NR1H3: variants seen among roughly 807,000 people sequenced by gnomAD.
The protein encoded by NR1H3 is nuclear receptor subfamily 1 group H member 3, also known as oxysterols receptor LXR-alpha.
A neutral mutation model predicts 48.1 loss-of-function variants in NR1H3; 19 were observed. The observed-to-expected ratio is 0.40, with a 90% CI of 0.28 to 0.58. The LOEUF is 0.58. Ranked by LOEUF, NR1H3 falls within the 20% of genes least tolerant of loss-of-function variation. NR1H3 has a pLI of 0.50. For missense variants in NR1H3, 486 were observed against 595.9 expected, an observed-to-expected ratio of 0.82 and a Z score of 1.92; for synonymous variants, 232 against 227.3, an observed-to-expected ratio of 1.02 and a Z score of -0.19.
chr11:47,259,674 T>A, intron 2 of NR1H3, 117 bp from the exon 3 acceptor site: 1 of 1,545,522 alleles, frequency 6.5e-7, no homozygotes, highest in Non-Finnish European at 8.7e-7. Context: ...AAGCCTGAGC[T>A]GGGACTTTGC....
intron 5 of NR1H3, 34 bp downstream of exon 5, chr11:47,261,483 C>T: frequency 6.2e-7 from 1 of 1,611,018 alleles, no homozygotes; most frequent in Non-Finnish European, 8.5e-7. Flanking sequence ...GCGGCTGCGC[C>T]CAGATCACCA....
At chr11:47,263,216 A>C (rs1956091850) in intron 7 of NR1H3, among the ~76,000 whole-genome samples, 1 of 152,008 alleles carries the variant, frequency 6.6e-6, no homozygotes, top group African/African-American at 2.4e-5. Flanking sequence ...AAAAGTGAAC[A>C]AATCTTCCTC....
chr11:47,251,029 G>C (rs1365231126), intron 1 of NR1H3, among the ~76,000 whole-genome samples: 3 of 152,034 alleles, frequency 2.0e-5, no homozygotes, highest in Non-Finnish European at 4.4e-5. Context: ...TGTGGTGGCA[G>C]GTGCCGGTAG....
At chr11:47,257,548 A>G (rs1955302427), upstream of NR1H3, 3 of 628,378 alleles carry the variant, frequency 4.8e-6, no homozygotes, top group South Asian at 7.0e-5. Flanking sequence ...GCCTCTTCCC[A>G]GAGGCAAGGG....
intron 9 of NR1H3, 69 bp downstream of exon 9, chr11:47,268,424 T>G: frequency 6.3e-7 from 1 of 1,590,074 alleles, no homozygotes; most frequent in Non-Finnish European, 8.6e-7. Flanking sequence ...ATACCTACTT[T>G]CCCTTCAAGA....
intron 1 of NR1H3, 144 bp downstream of exon 1, chr11:47,258,273 CTG>C: frequency 1.1e-6 from 1 of 881,922 alleles, no homozygotes; most frequent in Non-Finnish European, 1.4e-6. Context: ...GAGCAGGACT[CTG>C]GGTCCCAGAA....
chr11:47,265,069 G>A (rs910960387), intron 7 of NR1H3, among the ~76,000 whole-genome samples: 12 of 151,998 alleles, frequency 7.9e-5, no homozygotes, highest in East Asian at 1.9e-4. Flanking sequence ...CGAGGCAGGC[G>A]GATCACCTGA....
rs201480452 is a variant in NR1H3, at chr11:47,261,956, G to C, written c.926G>C (p.Gly309Ala). 6.2e-7 allele frequency: 1 copy of C among 1,614,144 alleles called. No homozygotes were observed. The highest frequency in any genetic ancestry group is 8.5e-7 in the Non-Finnish European group (1 of 1,180,014). Residue 309 changes from glycine (G) to alanine (A), a missense_variant, in exon 7 of 10, where the codon GGG (glycine) becomes GCG (alanine). Transcript: ENST00000441012. ...LLETSRRYNP[G>A]SESITFLKDF... ...GAGACATCTCGGAGGTACAACCCTG[G>C]GAGTGAGAGTATCACCTTCCTCAAG...
Position 47,261,542 on chromosome 11 carries a change from G to A in NR1H3, c.709-5G>A. On this transcript the variant is annotated splice_polypyrimidine_tract_variant and splice_region_variant and intron_variant, in intron 5 of 9. Transcript: ENST00000441012. ...AAAGCGCTTTGCCTTTTCCCTCCTG[G>A]GTAGCCTTGGCCCATGGCACCAGAT... 2.5e-6 allele frequency: 4 copies of A among 1,613,538 alleles called. No individual in the cohort carries two copies. Among genetic ancestry groups the A allele is most frequent in the Non-Finnish European group, 3.4e-6 (4 of 1,179,452 alleles).
rs553828889 is a variant in NR1H3 at position 47,259,678 on chromosome 11, A to G, written c.44-113A>G. 9.0e-6 allele frequency: 14 copies of G among 1,549,838 alleles called. No homozygotes were observed. The African/African-American group carries it at 1.4e-4, about 15-fold the overall frequency. ...CTAGGGTCCCAAAGCCTGAGCTGGG[A>G]CTTTGCTGCCCTCTAAGGGTGGGGA... On this transcript the variant is annotated intron_variant, in intron 2 of 9. Coordinates refer to ENST00000441012, the MANE Select transcript of NR1H3 (RefSeq NM_005693.4).
chr11:47,256,888 G>A (rs1438900462), upstream of NR1H3, among the ~76,000 whole-genome samples: 1 of 151,802 alleles, frequency 6.6e-6, no homozygotes, highest in Non-Finnish European at 1.5e-5. Context: ...CTGCCACCAT[G>A]CCCGGCTAAT....
At chr11:47,253,134 C>CGTGCGTGTGTGTGTGTGTGTGTGTGT (rs369779963), upstream of NR1H3, among the ~76,000 whole-genome samples, 3 of 147,654 alleles carry the variant, frequency 2.0e-5, no homozygotes, top group East Asian at 2.1e-4. Flanking sequence ...AATTTTTGTG[C>CGTGCGTGTGTGTGTGTGTGTGTGTGT]GTGTGTGTGT....
At chr11:47,257,030 G>A (rs528472837), upstream of NR1H3, among the ~76,000 whole-genome samples, 86 of 152,210 alleles carry the variant, frequency 5.7e-4, no homozygotes, top group African/African-American at 2.0e-3. Flanking sequence ...GCGCCCGGCC[G>A]AGAATATATT....
chr11:47,252,460 T>C (rs929870878), intron 1 of NR1H3, among the ~76,000 whole-genome samples: 5 of 151,770 alleles, frequency 3.3e-5, no homozygotes, highest in Non-Finnish European at 7.4e-5. Context: ...AGCTTCTCCA[T>C]GTTGGTCAGG....
At chr11:47,264,084 A>G (rs1231889459) in intron 7 of NR1H3, among the ~76,000 whole-genome samples, 1 of 152,234 alleles carries the variant, frequency 6.6e-6, no homozygotes, top group African/African-American at 2.4e-5. Flanking sequence ...GGAGCTACGC[A>G]GAAGGGGTTT....
At position 47,260,391 on chromosome 11, in the gene NR1H3, G is replaced by A. The variant is rs761438448; in HGVS notation, c.233-18G>A. ...TTTTTCCTCGGGGGAGAGCGTTGAA[G>A]CACTTTCCTGTATCCAGAGATCCGT... On this transcript the variant is annotated intron_variant, in intron 3 of 9. Transcript: ENST00000441012. 1 of 1,598,402 alleles carries A rather than the reference G, an allele frequency of 6.3e-7. No individual in the cohort carries two copies. Among genetic ancestry groups the A allele is most frequent in the South Asian group, 1.1e-5 (1 of 89,256 alleles).
upstream of NR1H3, among the ~76,000 whole-genome samples, chr11:47,257,160 C>T (rs550797498): frequency 6.6e-6 from 1 of 152,322 alleles, no homozygotes; most frequent in East Asian, 1.9e-4. Flanking sequence ...ATGATGTCTA[C>T]TTTCAGGGAT....
chr11:47,260,883 G>A (rs960899263), intron 4 of NR1H3, among the ~76,000 whole-genome samples: 2 of 152,080 alleles, frequency 1.3e-5, no homozygotes, highest in Admixed American at 6.5e-5. Context: ...TCAGAAGTCC[G>A]AGACCAGCCT....
chr11:47,259,945 G>A lies in NR1H3; in HGVS notation c.198G>A (p.Leu66=), dbSNP rs1400355446. ...TGGAGGCTGCAGAGCCCACAGCCCT[G>A]CTCACCAGGGCAGAGCCCCCTTCAG... ...VGLEAAEPTA[L]LTRAEPPSEP... is the part of the protein sequence containing the mutation. The change falls in exon 3 of 10, where the codon CTG becomes CTA. Residue 66 remains leucine (L), a synonymous_variant. Coordinates refer to ENST00000441012, the MANE Select transcript of NR1H3 (RefSeq NM_005693.4). The A allele has an allele frequency of 6.3e-7, 1 of 1,575,756 alleles. No homozygotes were observed. The highest frequency in any genetic ancestry group is 1.4e-5 in the African/African-American group (1 of 73,832).
Sources: allele counts gnomAD v4.1 joint callset (sites outside exome capture counted in the v4.1 genomes callset), GRCh38; gene constraint gnomAD v4.1.1; transcripts MANE v1.5; gene names NCBI Gene and HGNC (gene_info 2026-07-23, HGNC 2026-07-21).